TAFA5: variants seen among roughly 807,000 people sequenced by gnomAD.
TAFA5 encodes TAFA chemokine like family member 5.
In TAFA5, 6 loss-of-function variants were observed where a neutral mutation model predicts 15.3. The ratio of observed to expected loss-of-function variants is 0.39; its 90% CI spans 0.21 to 0.77. TAFA5 has a LOEUF of 0.77. TAFA5 is among the 30% of genes least tolerant of loss of function. The pLI, the probability that TAFA5 is intolerant of heterozygous loss-of-function variation, is 0.41. For missense variants in TAFA5, 161 were observed against 193.1 expected (o/e 0.83, Z 0.98); for synonymous variants, 103 against 80.7 (o/e 1.28, Z -1.48).
At chr22:48,571,337 C>T (rs1310592858) in intron 1 of TAFA5, among the ~76,000 whole-genome samples, 1 of 124,542 alleles carries the variant, frequency 8.0e-6, no homozygotes, top group African/African-American at 3.0e-5. Flanking sequence ...TGCAGTAGAA[C>T]AATCTCGGCT....
intron 3 of TAFA5, among the ~76,000 whole-genome samples, chr22:48,712,017 G>A (rs130158): frequency 0.26 from 39,975 of 152,230 alleles, 5,555 homozygotes; most frequent in Non-Finnish European, 0.31. Flanking sequence ...TGGATTAACC[G>A]AGTGTGGACC....
Position 48,489,934 on chromosome 22 carries a change from C to G in TAFA5, c.112+230C>G, listed in dbSNP as rs1054402581. On this transcript the variant is annotated intron_variant, in intron 1 of 3. Coordinates refer to ENST00000402357, the MANE Select transcript of TAFA5 (RefSeq NM_001082967.3). The surrounding 1 kb of genome is among the most constrained non-coding windows in gnomAD (Gnocchi z 5.5). ...GGGTCGGACGCCCCGGCCCGAGCCTCCCTTCCCTGACTCCCCGGCAGGGCC... is the reference window on the plus strand; with the variant it reads ...GGGTCGGACGCCCCGGCCCGAGCCTGCCTTCCCTGACTCCCCGGCAGGGCC... 6.6e-6 allele frequency among the ~76,000 whole-genome samples: 1 copy of G among 151,854 alleles called. No individual in the cohort carries two copies. Among genetic ancestry groups the G allele is most frequent in the African/African-American group, 2.4e-5 (1 of 41,412 alleles).
intron 1 of TAFA5, among the ~76,000 whole-genome samples, chr22:48,578,139 C>G (rs963046366): frequency 6.6e-6 from 1 of 152,234 alleles, no homozygotes; most frequent in South Asian, 2.1e-4. Flanking sequence ...CTCGAAGTCT[C>G]TGGGGGATTG....
intron 2 of TAFA5, among the ~76,000 whole-genome samples, chr22:48,667,734 G>A (rs185532757): frequency 1.4e-5 from 2 of 147,904 alleles, no homozygotes; most frequent in African/African-American, 5.0e-5. Flanking sequence ...CACCGGGAGC[G>A]TTAATCCCCC....
chr22:48,499,399 A>G (rs553528680), intron 1 of TAFA5, among the ~76,000 whole-genome samples: 20 of 152,148 alleles, frequency 1.3e-4, no homozygotes, highest in African/African-American at 3.6e-4. Context: ...TACAGCCCGC[A>G]TTTCCTAAGT....
intron 2 of TAFA5, among the ~76,000 whole-genome samples, chr22:48,658,998 G>A (rs1306415123): frequency 6.6e-6 from 1 of 152,238 alleles, no homozygotes; most frequent in Non-Finnish European, 1.5e-5. Context: ...TCAGGAGCAG[G>A]TGCGATTACC....
rs372018650 is a variant in TAFA5 at position 48,489,691 on chromosome 22, C to A, written c.99C>A (p.Leu33=). ...CGTTCATGATCCTGGCCAGCCTGCT[C>A]ATCGCCTACTGCAGTGAGTACCGCG... is the stretch of plus-strand genomic sequence containing the variant. ...FWAFMILASL[L]IAYCSQLAAG... Residue 33 remains leucine (L), a synonymous_variant, in exon 1 of 4, where the codon CTC becomes CTA. Coordinates refer to ENST00000402357, the MANE Select transcript of TAFA5 (RefSeq NM_001082967.3). The surrounding 1 kb of genome is among the most constrained non-coding windows in gnomAD (Gnocchi z 5.5). The A allele has an allele frequency of 6.6e-7, 1 of 1,512,606 alleles. No homozygotes were observed. The allele number at this position is 1,512,606 out of a possible 1,614,324, so 93.7% of individuals were successfully genotyped here.
intron 1 of TAFA5, among the ~76,000 whole-genome samples, chr22:48,608,685 G>A (rs1190951709): frequency 3.3e-5 from 5 of 152,222 alleles, no homozygotes; most frequent in East Asian, 1.9e-4. Flanking sequence ...TTACCTGTGC[G>A]TGCCAGATGT....
At chr22:48,688,361 T>C (rs1928430263) in intron 2 of TAFA5, among the ~76,000 whole-genome samples, 1 of 152,268 alleles carries the variant, frequency 6.6e-6, no homozygotes, top group East Asian at 1.9e-4. Context: ...TTTTATCTAA[T>C]TTTAAGATGT....
chr22:48,616,409 G>A (rs1028295507), intron 1 of TAFA5, among the ~76,000 whole-genome samples: 7 of 152,220 alleles, frequency 4.6e-5, no homozygotes, highest in African/African-American at 1.2e-4. Context: ...AGTGCACATC[G>A]TGAGGCCTGG....
intron 1 of TAFA5, among the ~76,000 whole-genome samples, chr22:48,606,910 C>T (rs191139624): frequency 6.4e-4 from 97 of 152,340 alleles, no homozygotes; most frequent in African/African-American, 6.5e-4. Flanking sequence ...TGACAGTTCA[C>T]GCTGGCTTGC....
At chr22:48,650,771 C>G (rs536937079) in intron 2 of TAFA5, among the ~76,000 whole-genome samples, 97 of 152,156 alleles carry the variant, frequency 6.4e-4, no homozygotes, top group South Asian at 1.2e-3. Context: ...GTGGCGCTTT[C>G]CATCCTTACA....
chr22:48,502,540 G>A (rs1055293934), intron 1 of TAFA5, among the ~76,000 whole-genome samples: 69 of 79,984 alleles, frequency 8.6e-4, no homozygotes, highest in African/African-American at 3.2e-3. Context: ...TTTTTTTTTT[G>A]AGATGGAGTC....
intron 1 of TAFA5, among the ~76,000 whole-genome samples, chr22:48,508,137 C>T (rs1049016760): frequency 1.8e-4 from 28 of 152,178 alleles, no homozygotes; most frequent in Non-Finnish European, 3.1e-4. Context: ...GATGCGTGGG[C>T]CACTGTTTCT....
intron 1 of TAFA5, among the ~76,000 whole-genome samples, chr22:48,575,449 G>A (rs1473223298): frequency 4.1e-5 from 6 of 146,432 alleles, no homozygotes; most frequent in African/African-American, 1.5e-4. Flanking sequence ...TGGGCCGGCA[G>A]CGACTGCGCC....
chr22:48,544,552 G>C (rs559921725), intron 1 of TAFA5: 1 of 391,712 alleles, frequency 2.6e-6, no homozygotes, highest in Non-Finnish European at 5.3e-6. Flanking sequence ...AGGGTGCAAC[G>C]GCGCTAACTG....
At chr22:48,585,325 T>A (rs1924305721) in intron 1 of TAFA5, among the ~76,000 whole-genome samples, 1 of 135,328 alleles carries the variant, frequency 7.4e-6, no homozygotes, top group Non-Finnish European at 1.6e-5. Context: ...TACAAAATAT[T>A]CACACACACA....
chr22:48,640,798 G>A (rs1036607661), intron 1 of TAFA5, among the ~76,000 whole-genome samples: 1 of 152,120 alleles, frequency 6.6e-6, no homozygotes, highest in Non-Finnish European at 1.5e-5. Flanking sequence ...AGGCTCCCCA[G>A]TTGGGGAGGT....
intron 1 of TAFA5, among the ~76,000 whole-genome samples, chr22:48,605,574 T>C (rs1925164265): frequency 6.6e-6 from 1 of 152,170 alleles, no homozygotes; most frequent in South Asian, 2.1e-4. Flanking sequence ...CCATCTTCTT[T>C]AATCCTAACA....
Sources: gnomAD v4.1 joint callset for allele counts (sites outside exome capture counted in the v4.1 genomes callset) on GRCh38, gnomAD v4.1.1 for gene constraint, Gnocchi (gnomAD v3.1) non-coding constraint, MANE v1.5 for transcripts, NCBI Gene and HGNC (gene_info 2026-07-23, HGNC 2026-07-21) for gene names.